GRM7: variants seen among roughly 807,000 people sequenced by gnomAD.
The protein encoded by GRM7 is glutamate metabotropic receptor 7.
Under a neutral mutation model 84.5 loss-of-function variants are expected in GRM7, and 35 were observed. The observed-to-expected ratio is 0.41, with a 90% CI of 0.32 to 0.55. GRM7 has a LOEUF of 0.55. GRM7 is among the 20% of genes least tolerant of loss of function. GRM7 has a pLI of 0.19. For missense variants in GRM7, 1,003 were observed against 1,194.6 expected (o/e 0.84, Z 2.36); for synonymous variants, 487 against 455.1 (o/e 1.07, Z -0.89).
intron 2 of GRM7, among the ~76,000 whole-genome samples, chr3:7,289,228 G>A (rs78847510): frequency 6.6e-6 from 1 of 152,142 alleles, no homozygotes; most frequent in African/African-American, 2.4e-5. Context: ...CTTGTTCAGG[G>A]AAAGGAACAG....
rs200335380 is a variant in GRM7 at position 6,961,909 on chromosome 3, T to TA, written c.519+100011dup. On this transcript the variant is annotated intron_variant, in intron 1 of 9. Coordinates refer to ENST00000357716, the MANE Select transcript of GRM7 (RefSeq NM_000844.4). ...ACATACTACACTACACCATCCCATC[T>TA]AAAAAAAAATAAAATAAACTAACTA... is the stretch of plus-strand genomic sequence containing the variant. 2.8e-3 allele frequency among the ~76,000 whole-genome samples: 425 copies of TA among 151,516 alleles called. 2 individuals carry two copies. Among genetic ancestry groups the TA allele is most frequent in the Middle Eastern group, 6.8e-3 (2 of 294 alleles).
At chr3:7,513,424 A>G (rs1382428718) in intron 7 of GRM7, among the ~76,000 whole-genome samples, 1 of 151,918 alleles carries the variant, frequency 6.6e-6, no homozygotes, top group African/African-American at 2.4e-5. Context: ...TTTCTTTTCT[A>G]TCTATTATGC....
At chr3:6,866,693 C>A (rs73013996) in intron 1 of GRM7, among the ~76,000 whole-genome samples, 183 of 152,266 alleles carry the variant, frequency 1.2e-3, no homozygotes, top group Non-Finnish European at 2.1e-3. Context: ...CTATAGCTTT[C>A]GTATCTCCAT....
At chr3:7,180,928 G>A (rs917647322) in intron 2 of GRM7, among the ~76,000 whole-genome samples, 31 of 151,964 alleles carry the variant, frequency 2.0e-4, no homozygotes, top group African/African-American at 6.3e-4. Context: ...TTCACACACC[G>A]ATTTACCTCC....
chr3:6,919,365 ATTT>A (rs60633616), intron 1 of GRM7, among the ~76,000 whole-genome samples: 1 of 109,474 alleles, frequency 9.1e-6, no homozygotes. Flanking sequence ...TGCCTGGCTA[ATTT>A]TTTTTTTTTT....
At position 7,732,761 on chromosome 3, in the gene GRM7, T is replaced by C. The variant is rs376321355; in HGVS notation, c.2699-7596T>C. 2.0e-5 allele frequency among the ~76,000 whole-genome samples: 3 copies of C among 152,338 alleles called. No individual in the cohort carries two copies. In the East Asian group the frequency reaches 5.8e-4, roughly 29 times the overall value. On this transcript the variant is annotated intron_variant, in intron 9 of 9. Transcript: ENST00000357716. Reference sequence around the variant, plus strand: ...CCACACTGGTACTGGTACTCTCTGATCCAGACCCCAAGAAAGGGTTCTTGG... The same window carrying C: ...CCACACTGGTACTGGTACTCTCTGACCCAGACCCCAAGAAAGGGTTCTTGG...
At chr3:7,166,333 C>A (rs900197256) in intron 2 of GRM7, among the ~76,000 whole-genome samples, 2 of 152,028 alleles carry the variant, frequency 1.3e-5, no homozygotes, top group African/African-American at 4.8e-5. Context: ...CATTATATAC[C>A]AAATTTAGCC....
At chr3:6,972,930 A>G (rs1693819126) in intron 1 of GRM7, among the ~76,000 whole-genome samples, 1 of 152,212 alleles carries the variant, frequency 6.6e-6, no homozygotes, top group African/African-American at 2.4e-5. Flanking sequence ...TCTGTGCCTG[A>G]CACAGAGTGA....
At chr3:6,969,257 C>T (rs576409634) in intron 1 of GRM7, among the ~76,000 whole-genome samples, 1 of 152,198 alleles carries the variant, frequency 6.6e-6, no homozygotes, top group African/African-American at 2.4e-5. Context: ...TCTATCTCTG[C>T]CTGACTAATA....
At chr3:6,885,974 T>G (rs1288497591) in intron 1 of GRM7, among the ~76,000 whole-genome samples, 1 of 152,242 alleles carries the variant, frequency 6.6e-6, no homozygotes, top group Non-Finnish European at 1.5e-5. Context: ...GACATATAAT[T>G]GACAGTTAAA....
chr3:7,283,316 G>GT (rs1428705793), intron 2 of GRM7, among the ~76,000 whole-genome samples: 1 of 152,016 alleles, frequency 6.6e-6, no homozygotes, highest in African/African-American at 2.4e-5. Context: ...ATTTTTGTGA[G>GT]TTTAAGTTAG....
At chr3:6,901,578 G>GC (rs1215983785) in intron 1 of GRM7, among the ~76,000 whole-genome samples, 1 of 117,040 alleles carries the variant, frequency 8.5e-6, no homozygotes, top group South Asian at 2.9e-4. Context: ...AGCCTGGCCA[G>GC]CCTGGTGACA....
intron 1 of GRM7, among the ~76,000 whole-genome samples, chr3:7,044,645 CTTAA>C (rs1696737116): frequency 6.6e-6 from 1 of 152,112 alleles, no homozygotes; most frequent in South Asian, 2.1e-4. Context: ...CAACTTAGCC[CTTAA>C]TTAGCCATTT....
intron 2 of GRM7, among the ~76,000 whole-genome samples, chr3:7,184,310 GT>G: frequency 6.6e-6 from 1 of 151,912 alleles, no homozygotes; most frequent in South Asian, 2.1e-4. Flanking sequence ...ACTGTGATCT[GT>G]TTTTTAAATA....
chr3:7,452,026 G>A (rs1697790936), intron 5 of GRM7, among the ~76,000 whole-genome samples: 1 of 152,140 alleles, frequency 6.6e-6, no homozygotes, highest in South Asian at 2.1e-4. Context: ...TTGGTGGAGT[G>A]TTTGACACTG....
chr3:7,023,424 G>A (rs548198971), intron 1 of GRM7, among the ~76,000 whole-genome samples: 4 of 152,138 alleles, frequency 2.6e-5, no homozygotes, highest in South Asian at 4.2e-4. Context: ...AGGGCCTTTC[G>A]ATTTTCAAAG....
At chr3:6,867,982 G>A (rs2124936149) in intron 1 of GRM7, among the ~76,000 whole-genome samples, 1 of 152,254 alleles carries the variant, frequency 6.6e-6, no homozygotes, top group East Asian at 1.9e-4. Flanking sequence ...GAATTTCAAT[G>A]ATATAGGATA....
intron 7 of GRM7, among the ~76,000 whole-genome samples, chr3:7,553,651 G>A (rs1462801244): frequency 1.3e-5 from 2 of 152,146 alleles, no homozygotes; most frequent in Non-Finnish European, 2.9e-5. Flanking sequence ...AAGGAAAAGT[G>A]CCAAGAGAAG....
At chr3:7,133,369 T>G (rs985702928) in intron 1 of GRM7, among the ~76,000 whole-genome samples, 1 of 152,194 alleles carries the variant, frequency 6.6e-6, no homozygotes, top group Non-Finnish European at 1.5e-5. Context: ...CACGCACACA[T>G]GAGGTGATAA....
Sources: allele counts gnomAD v4.1 joint callset (sites outside exome capture counted in the v4.1 genomes callset), GRCh38; gene constraint gnomAD v4.1.1; transcripts MANE v1.5; gene names NCBI Gene and HGNC (gene_info 2026-07-23, HGNC 2026-07-21).